Variants in TENM2 observed in about 807,000 individuals in gnomAD.
TENM2 encodes teneurin transmembrane protein 2.
TENM2 carries 52 observed loss-of-function variants against 245.2 expected under a neutral mutation model. The observed-to-expected ratio is 0.21, with a 90% CI of 0.17 to 0.27. TENM2 has a LOEUF of 0.27. Ranked by LOEUF, TENM2 falls within the 10% of genes least tolerant of loss-of-function variation. TENM2 has a pLI of 1.00. For synonymous variants in TENM2, 1,363 were observed against 1,438.9 expected, an observed-to-expected ratio of 0.95 and a Z score of 1.19; for missense variants, 3,046 against 3,666.8, an observed-to-expected ratio of 0.83 and a Z score of 4.37.
chr5:167,435,023 G>T (rs962445461), intron 2 of TENM2, among the ~76,000 whole-genome samples: 1 of 152,122 alleles, frequency 6.6e-6, no homozygotes, highest in South Asian at 2.1e-4. Flanking sequence ...TGATGCCAAC[G>T]TAGTGGCAAT....
At chr5:167,042,802 G>T in the TENM2 span, among the ~76,000 whole-genome samples, 2 of 152,068 alleles carry the variant, frequency 1.3e-5, no homozygotes, top group Admixed American at 1.3e-4. Flanking sequence ...TTTTTCTTTC[G>T]GTAGGTCAAT....
chr5:167,314,743 A>C (rs2127760375), intron 1 of TENM2, among the ~76,000 whole-genome samples: 1 of 152,204 alleles, frequency 6.6e-6, no homozygotes, highest in Non-Finnish European at 1.5e-5. Context: ...ATAACATTTT[A>C]ATATGTATTA....
intron 5 of TENM2, 48 bp from the exon 8 acceptor site, chr5:168,047,379 A>G (rs1788698129): frequency 1.9e-6 from 3 of 1,550,778 alleles, no homozygotes; most frequent in African/African-American, 1.4e-5. Flanking sequence ...TGACATTTGC[A>G]TTGCTGAATT....
chr5:167,509,136 G>A (rs1230666063), intron 2 of TENM2, among the ~76,000 whole-genome samples: 2 of 152,148 alleles, frequency 1.3e-5, no homozygotes, highest in Admixed American at 6.5e-5. Context: ...ATATTTTAGC[G>A]TGTGCTATTT....
chr5:167,918,616 A>G (rs1273879704), intron 3 of TENM2, among the ~76,000 whole-genome samples: 2 of 152,118 alleles, frequency 1.3e-5, no homozygotes, highest in Non-Finnish European at 2.9e-5. Context: ...AGGGAGGGAG[A>G]CAGGAGCCGT....
chr5:167,418,313 CA>C (rs57972287), intron 2 of TENM2, among the ~76,000 whole-genome samples: 59,818 of 135,276 alleles, frequency 0.44, 12,463 homozygotes, highest in Admixed American at 0.51. Flanking sequence ...GAAACTGTCT[CA>C]AAAAAAAAAA....
At position 167,714,360 on chromosome 5, in the gene TENM2, T is replaced by C. The variant is rs1759112542; in HGVS notation, c.503-161626T>C. Among the ~76,000 whole-genome samples, 4 of 152,240 alleles carry C rather than the reference T, an allele frequency of 2.6e-5. No individual in the cohort carries two copies. The South Asian group carries it at 8.3e-4, about 32-fold the overall frequency. On this transcript the variant is annotated intron_variant, in intron 2 of 28. Coordinates refer to ENST00000518659, the Ensembl canonical transcript of TENM2. ...TGGGGAGTGGGTTTACCCTTCCCTATAGATCTTATCTCTGCTCTTTCTTCT... is the reference window on the plus strand; with the variant it reads ...TGGGGAGTGGGTTTACCCTTCCCTACAGATCTTATCTCTGCTCTTTCTTCT...
At chr5:167,325,946 A>G (rs968270184) in intron 1 of TENM2, among the ~76,000 whole-genome samples, 5 of 152,304 alleles carry the variant, frequency 3.3e-5, no homozygotes, top group Middle Eastern at 3.4e-3. Flanking sequence ...GCATAGAGAG[A>G]GTAACTTTGG....
chr5:167,127,913 TAATAGGA>T, the TENM2 span, among the ~76,000 whole-genome samples: 1 of 152,098 alleles, frequency 6.6e-6, no homozygotes, highest in African/African-American at 2.4e-5. Flanking sequence ...CCTGAAACAC[TAATAGGA>T]CCACAGATCT....
intron 5 of TENM2, among the ~76,000 whole-genome samples, chr5:168,013,791 C>A (rs1005089580): frequency 1.3e-5 from 2 of 152,178 alleles, no homozygotes; most frequent in African/African-American, 4.8e-5. Flanking sequence ...ACAACACAAG[C>A]TTATTGTCTC....
chr5:167,823,116 C>T (rs983152962), intron 2 of TENM2, among the ~76,000 whole-genome samples: 2 of 151,934 alleles, frequency 1.3e-5, no homozygotes, highest in Non-Finnish European at 2.9e-5. Context: ...AAAATGTGGT[C>T]GGAGATTGAT....
At chr5:168,102,051 TTTTGTG>T (rs1793857917) in intron 9 of TENM2, among the ~76,000 whole-genome samples, 2 of 107,576 alleles carry the variant, frequency 1.9e-5, no homozygotes, top group Non-Finnish European at 4.0e-5. Flanking sequence ...GTTTTTTTGT[TTTTGTG>T]TGTGTGTGTG....
intron 2 of TENM2, among the ~76,000 whole-genome samples, chr5:167,765,817 C>T (rs1762980251): frequency 6.6e-6 from 1 of 152,104 alleles, no homozygotes; most frequent in African/African-American, 2.4e-5. Flanking sequence ...TTCTCAGAAC[C>T]GAGTGATGTT....
intron 27 of TENM2, among the ~76,000 whole-genome samples, chr5:168,258,358 G>A (rs555438794): frequency 2.0e-3 from 299 of 152,114 alleles, no homozygotes; most frequent in African/African-American, 2.8e-3. Flanking sequence ...AAAATTAGCC[G>A]GGTGTGGTGG....
chr5:167,924,215 A>G (rs1171085486), intron 3 of TENM2, among the ~76,000 whole-genome samples: 1 of 152,230 alleles, frequency 6.6e-6, no homozygotes, highest in Non-Finnish European at 1.5e-5. Flanking sequence ...GAGCAGAATC[A>G]GGTGCAGTTT....
At chr5:167,329,777 T>G (rs1757325382) in intron 1 of TENM2, among the ~76,000 whole-genome samples, 1 of 152,156 alleles carries the variant, frequency 6.6e-6, no homozygotes, top group African/African-American at 2.4e-5. Flanking sequence ...GGAAGAGATA[T>G]GGGGGATAGA....
chr5:167,604,004 C>G (rs1166790509), intron 2 of TENM2, among the ~76,000 whole-genome samples: 1 of 152,072 alleles, frequency 6.6e-6, no homozygotes, highest in Non-Finnish European at 1.5e-5. Flanking sequence ...AAACAGCTGC[C>G]TGCTGTAGTG....
chr5:168,090,889 C>T (rs1792884256), intron 8 of TENM2, 120 bp downstream of exon 10: 1 of 877,104 alleles, frequency 1.1e-6, no homozygotes, highest in Admixed American at 2.3e-5. Context: ...CAACCAGGAT[C>T]CTTTGTTTAG....
intron 2 of TENM2, among the ~76,000 whole-genome samples, chr5:167,415,258 A>C (rs756806566): frequency 2.2e-5 from 3 of 138,738 alleles, no homozygotes; most frequent in Non-Finnish European, 4.9e-5. Context: ...TCTTTCCAAT[A>C]AGTGACTCTT....
Sources: gnomAD v4.1 joint callset for allele counts (sites outside exome capture counted in the v4.1 genomes callset) on GRCh38, gnomAD v4.1.1 for gene constraint, MANE v1.5 for transcripts, NCBI Gene and HGNC (gene_info 2026-07-23, HGNC 2026-07-21) for gene names.